TMOD2: variants seen among roughly 807,000 people sequenced by gnomAD.
TMOD2 encodes the protein tropomodulin-2.
In TMOD2, 22 loss-of-function variants were observed where a neutral mutation model predicts 39.9. That is an observed-to-expected ratio of 0.55 (90% CI 0.39 to 0.79). The LOEUF (loss-of-function observed/expected upper bound fraction) is 0.79, where lower values mean the gene tolerates loss of function less well. TMOD2 is among the 30% of genes least tolerant of loss of function. The pLI, the probability that TMOD2 is intolerant of heterozygous loss-of-function variation, is 0.00. For synonymous variants in TMOD2, 123 were observed against 146.1 expected (o/e 0.84, Z 1.14); for missense variants, 386 against 413.3 (o/e 0.93, Z 0.57).
intron 3 of TMOD2, 142 bp downstream of exon 3, chr15:51,768,560 A>G (rs2055833033): frequency 1.1e-6 from 1 of 892,352 alleles, no homozygotes; most frequent in Non-Finnish European, 1.7e-6. Flanking sequence ...GACATGGGAA[A>G]TAAGCCCATG....
At chr15:51,790,766 T>A (rs2056005641) in intron 7 of TMOD2, among the ~76,000 whole-genome samples, 1 of 152,116 alleles carries the variant, frequency 6.6e-6, no homozygotes, top group African/African-American at 2.4e-5. Flanking sequence ...CATGATTATC[T>A]CAATAGATGC....
chr15:51,800,850 C>T (rs2056082256), intron 8 of TMOD2, among the ~76,000 whole-genome samples: 1 of 152,132 alleles, frequency 6.6e-6, no homozygotes, highest in Non-Finnish European at 1.5e-5. Flanking sequence ...GGACTACAGG[C>T]ACACACTACC....
At position 51,794,313 on chromosome 15, in the gene TMOD2, G is replaced by A. The variant is rs188585479; in HGVS notation, c.733-3884G>A. ...GGGACTTCTCGTCTTCCTTCTTCCT[G>A]TCTTTTCCACTGTAAAAACAATTAA... On this transcript the variant is annotated intron_variant, in intron 7 of 9. Coordinates refer to ENST00000249700, the MANE Select transcript of TMOD2 (RefSeq NM_014548.4). Among the ~76,000 whole-genome samples the A allele has an allele frequency of 7.2e-5, 11 of 152,296 alleles. No individual in the cohort carries two copies. The East Asian group carries it at 1.7e-3, about 24-fold the overall frequency.
rs1014947544 is a variant in TMOD2, at chr15:51,773,812, C to T, written c.384C>T (p.Asp128=). ...AAGAAGCTTTGGCCAGTGCCTCTGA[C>T]ACCGAACTCTATGATCTTGCAGGTT... ...ELEEALASAS[D]TELYDLAAVL... is the part of the protein sequence containing the mutation. The change falls in exon 4 of 10, where the codon GAC becomes GAT. Residue 128 remains aspartate (D), a synonymous_variant. Coordinates refer to ENST00000249700, the MANE Select transcript of TMOD2 (RefSeq NM_014548.4). 6.2e-7 allele frequency: 1 copy of T among 1,611,794 alleles called. No individual in the cohort carries two copies. The highest frequency in any genetic ancestry group is 1.3e-5 in the African/African-American group (1 of 74,778).
At chr15:51,803,541 A>G (rs1394587875) in intron 8 of TMOD2, among the ~76,000 whole-genome samples, 1 of 152,218 alleles carries the variant, frequency 6.6e-6, no homozygotes, top group East Asian at 1.9e-4. Flanking sequence ...ACATTAAAAT[A>G]TATTAAATCA....
chr15:51,760,871 G>A (rs771411139), intron 1 of TMOD2, among the ~76,000 whole-genome samples: 8 of 152,172 alleles, frequency 5.3e-5, no homozygotes, highest in Non-Finnish European at 8.8e-5. Flanking sequence ...GCCATGTAAA[G>A]TAACATATAG....
At chr15:51,753,339 T>C (rs1468730460) in intron 1 of TMOD2, among the ~76,000 whole-genome samples, 2 of 152,072 alleles carry the variant, frequency 1.3e-5, no homozygotes, top group Non-Finnish European at 2.9e-5. Context: ...AATTAGGAGG[T>C]CACCACTGGA....
At chr15:51,763,106 TAA>T (rs200817394) in intron 1 of TMOD2, among the ~76,000 whole-genome samples, 19 of 150,090 alleles carry the variant, frequency 1.3e-4, no homozygotes, top group African/African-American at 4.6e-4. Context: ...AGCTAATTTT[TAA>T]AAAAAAAAAT....
At chr15:51,795,518 G>A (rs2056042372) in intron 7 of TMOD2, among the ~76,000 whole-genome samples, 1 of 151,246 alleles carries the variant, frequency 6.6e-6, no homozygotes, top group African/African-American at 2.4e-5. Flanking sequence ...TTCATCTCTG[G>A]GAAATTTATT....
chr15:51,763,620 G>A (rs2055796603), intron 1 of TMOD2, among the ~76,000 whole-genome samples: 1 of 152,200 alleles, frequency 6.6e-6, no homozygotes, highest in Non-Finnish European at 1.5e-5. Flanking sequence ...CTCTTCAGGA[G>A]TGCTGCTAAA....
At chr15:51,759,399 G>A (rs2055763864) in intron 1 of TMOD2, among the ~76,000 whole-genome samples, 1 of 152,214 alleles carries the variant, frequency 6.6e-6, no homozygotes, top group Admixed American at 6.5e-5. Context: ...GAATCTCCTG[G>A]ATATATATTA....
chr15:51,814,918 T>C lies in TMOD2; in HGVS notation c.*6464T>C, dbSNP rs1031521547. 2.0e-5 allele frequency: 3 copies of C among 152,254 alleles called. No individual in the cohort carries two copies. Among genetic ancestry groups the C allele is most frequent in the African/African-American group, 7.2e-5 (3 of 41,460 alleles). The allele number at this position is 152,254 out of a possible 1,614,324, so 9.4% of individuals were successfully genotyped here. On this transcript the variant is annotated 3_prime_UTR_variant, in exon 10 of 10. Transcript: ENST00000249700. ...TCCTCTTCAGCAGTTCTTTACTGTC[T>C]TCAGAATGGTTCTGGATAAGCGGCC...
rs1380041433 is a variant in TMOD2, at chr15:51,811,588, C to T, written c.*3134C>T. 6.6e-6 allele frequency: 1 copy of T among 152,414 alleles called. No individual in the cohort carries two copies. Among genetic ancestry groups the T allele is most frequent in the African/African-American group, 2.4e-5 (1 of 41,444 alleles). The allele number at this position is 152,414 out of a possible 1,614,324, so 9.4% of individuals were successfully genotyped here. A position where few individuals can be genotyped will look rare whatever the true frequency, so the allele number is the denominator to read the frequency against. ...TCTGCTTATAGTGTATAACTGGAAG[C>T]TCTTTCATCCTCATCAGCATGATTA... On this transcript the variant is annotated 3_prime_UTR_variant, in exon 10 of 10. Coordinates refer to ENST00000249700, the MANE Select transcript of TMOD2 (RefSeq NM_014548.4).
intron 7 of TMOD2, among the ~76,000 whole-genome samples, chr15:51,786,461 C>T (rs930327505): frequency 4.6e-5 from 7 of 152,062 alleles, no homozygotes; most frequent in African/African-American, 1.7e-4. Context: ...CAGTGAAGCC[C>T]TGTGCAATTG....
rs1290790828 is a variant in TMOD2 at position 51,814,784 on chromosome 15, T to C, written c.*6330T>C. ...TACTTGACAAGCTTGTGATTCTAAA[T>C]CGTTTCCGTTGCCTCTGAACATGGG... On this transcript the variant is annotated 3_prime_UTR_variant, in exon 10 of 10. Coordinates refer to ENST00000249700, the MANE Select transcript of TMOD2 (RefSeq NM_014548.4). 1 of 152,186 alleles carries C rather than the reference T, an allele frequency of 6.6e-6. No individual in the cohort carries two copies. Among genetic ancestry groups the C allele is most frequent in the Non-Finnish European group, 1.5e-5 (1 of 68,060 alleles). 9.4% of individuals were successfully genotyped at this position (152,186 alleles called of 1,614,324 possible).
intron 8 of TMOD2, among the ~76,000 whole-genome samples, chr15:51,802,515 T>TA (rs1422862015): frequency 2.6e-5 from 4 of 152,236 alleles, no homozygotes; most frequent in Non-Finnish European, 5.9e-5. Context: ...AATAGCCAGC[T>TA]ACTTGGAGAG....
chr15:51,799,243 C>T (rs978907397), intron 8 of TMOD2, among the ~76,000 whole-genome samples: 2 of 152,158 alleles, frequency 1.3e-5, no homozygotes, highest in African/African-American at 2.4e-5. Flanking sequence ...TATGAGCATT[C>T]GTTCCCCTGT....
intron 7 of TMOD2, among the ~76,000 whole-genome samples, chr15:51,787,999 T>A (rs1172254476): frequency 6.6e-6 from 1 of 152,146 alleles, no homozygotes; most frequent in Admixed American, 6.5e-5. Context: ...GGACAGAGAA[T>A]GAGTTTGACG....
rs1474433017 is a variant in TMOD2 at position 51,788,870 on chromosome 15, A to G, written c.732+6042A>G. On this transcript the variant is annotated intron_variant, in intron 7 of 9. Transcript: ENST00000249700. The stretch of plus-strand genomic sequence containing the variant: ...CTCCTGAAGGAAGCACTAAACATGG[A>G]TAGGAACAACCAGTACCAGCCACTG... Among the ~76,000 whole-genome samples, 4 of 152,232 alleles carry G rather than the reference A, an allele frequency of 2.6e-5. No individual in the cohort carries two copies. In the South Asian group the frequency reaches 6.2e-4, roughly 24 times the overall value.
Sources: allele counts gnomAD v4.1 joint callset (sites outside exome capture counted in the v4.1 genomes callset), GRCh38; gene constraint gnomAD v4.1.1; transcripts MANE v1.5; gene names NCBI Gene and HGNC (gene_info 2026-07-23, HGNC 2026-07-21).